Variants in LRCH3 observed in about 807,000 individuals in gnomAD.
LRCH3 encodes leucine rich repeats and calponin homology domain containing 3.
A neutral mutation model predicts 104.5 loss-of-function variants in LRCH3; 68 were observed. The ratio of observed to expected loss-of-function variants is 0.65; its 90% CI spans 0.54 to 0.80. The LOEUF (loss-of-function observed/expected upper bound fraction) is 0.80, where lower values mean the gene tolerates loss of function less well. Ranked by LOEUF, LRCH3 falls within the 30% of genes least tolerant of loss-of-function variation. LRCH3 has a pLI of 0.00. For missense variants in LRCH3, 951 were observed against 953.9 expected (o/e 1.00, Z 0.04); for synonymous variants, 344 against 361.3 (o/e 0.95, Z 0.54).
rs1255063333 is a variant in LRCH3, at chr3:197,829,654, C to G, written c.868C>G (p.Pro290Ala). 2 of 1,612,122 alleles carry G rather than the reference C, an allele frequency of 1.2e-6. No individual in the cohort carries two copies. Among genetic ancestry groups the G allele is most frequent in the Non-Finnish European group, 1.7e-6 (2 of 1,179,254 alleles). The change falls in exon 6 of 21, where the codon CCG becomes GCG. Residue 290 changes from proline (P) to alanine (A), a missense_variant. Transcript: ENST00000425562. ...APDLPDYDRRPLGFGSCHEEL... is the reference protein window; with the variant it reads ...APDLPDYDRRALGFGSCHEEL... ...AGATCTGCCGGATTATGATAGGAGA[C>G]CGTTGGGTTTTGGCTCCTGGTAAGT... is the stretch of plus-strand genomic sequence containing the variant.
rs1713948138 is a variant in LRCH3, at chr3:197,883,318, A to G, written c.2209-223A>G. ...CTACTTGTCAATTTTCCAATTTTGA[A>G]AATGATCTGTATGTACTTTTAGTTG... On this transcript the variant is annotated intron_variant, in intron 20 of 20. Transcript: ENST00000425562. The surrounding 1 kb of genome is among the most constrained non-coding windows in gnomAD (Gnocchi z 4.2). The G allele has an allele frequency of 1.5e-6, 2 of 1,316,076 alleles. No individual in the cohort carries two copies. The highest frequency in any genetic ancestry group is 3.0e-5 in the African/African-American group (2 of 66,578). The allele number at this position is 1,316,076 out of a possible 1,614,324, so 81.5% of individuals were successfully genotyped here. A position where few individuals can be genotyped will look rare whatever the true frequency, so the allele number is the denominator to read the frequency against.
chr3:197,888,131 A>C lies in LRCH3; in HGVS notation c.*4465A>C, dbSNP rs1211067620. The C allele has an allele frequency of 6.6e-6, 1 of 152,252 alleles. No individual in the cohort carries two copies. The highest frequency in any genetic ancestry group is 2.4e-5 in the African/African-American group (1 of 41,468). The allele number at this position is 152,252 out of a possible 1,614,324, so 9.4% of individuals were successfully genotyped here. A position where few individuals can be genotyped will look rare whatever the true frequency, so the allele number is the denominator to read the frequency against. On this transcript the variant is annotated 3_prime_UTR_variant, in exon 21 of 21. Coordinates refer to ENST00000425562, the MANE Select transcript of LRCH3 (RefSeq NM_001365715.1). ...GTGACTATGCGAATGAGTTTGATGA[A>C]TTCGTAAAAACTAAGCGCTTAAATG...
At position 197,884,697 on chromosome 3, in the gene LRCH3, A is replaced by T. The variant is rs1714064322; in HGVS notation, c.*1031A>T. On this transcript the variant is annotated 3_prime_UTR_variant, in exon 21 of 21. Coordinates refer to ENST00000425562, the MANE Select transcript of LRCH3 (RefSeq NM_001365715.1). ...CCCCCTGCATTTTTCACCCACATTT[A>T]AAATCAAAAGCTATATTATGAGGAG... The T allele has an allele frequency of 6.6e-6, 1 of 152,246 alleles. No individual in the cohort carries two copies. Among genetic ancestry groups the T allele is most frequent in the African/African-American group, 2.4e-5 (1 of 41,470 alleles). The allele number at this position is 152,246 out of a possible 1,614,324, so 9.4% of individuals were successfully genotyped here.
At chr3:197,873,823 C>T (rs768418305) in intron 19 of LRCH3, among the ~76,000 whole-genome samples, 2 of 152,030 alleles carry the variant, frequency 1.3e-5, no homozygotes, top group East Asian at 1.9e-4. Flanking sequence ...GAGTTCGAGA[C>T]CATCCTGGCC....
At chr3:197,852,672 A>G in intron 13 of LRCH3, 52 bp downstream of exon 13, 1 of 1,551,654 alleles carries the variant, frequency 6.4e-7, no homozygotes, top group African/African-American at 1.4e-5. Context: ...TTGCAATGGA[A>G]ATGAAATGTT....
chr3:197,848,785 G>A (rs1309621844), intron 12 of LRCH3, among the ~76,000 whole-genome samples: 2 of 152,152 alleles, frequency 1.3e-5, no homozygotes, highest in Non-Finnish European at 2.9e-5. Context: ...AGACTTTCCT[G>A]TATTTCATAC....
Position 197,814,998 on chromosome 3 carries a change from G to T in LRCH3, c.353G>T (p.Arg118Leu). Residue 118 changes from arginine to leucine, a missense_variant, in exon 2 of 21, where the codon CGT becomes CTT. By Grantham distance (102) the Arg-to-Leu change is moderately radical. Coordinates refer to ENST00000425562, the MANE Select transcript of LRCH3 (RefSeq NM_001365715.1). ...ENLNLYQNCI[R>L]YIPEAILNLQ... ...CTCAACTTGTACCAAAATTGTATTCGTTATATTCCAGAGGCAATTTTAAAC... is the reference window on the plus strand; with the variant it reads ...CTCAACTTGTACCAAAATTGTATTCTTTATATTCCAGAGGCAATTTTAAAC... The T allele has an allele frequency of 6.3e-7, 1 of 1,576,052 alleles. No individual in the cohort carries two copies. Among genetic ancestry groups the T allele is most frequent in the Admixed American group, 1.7e-5 (1 of 58,382 alleles).
At chr3:197,882,398 AAAT>A in intron 20 of LRCH3, 2 of 978,424 alleles carry the variant, frequency 2.0e-6, no homozygotes, top group Non-Finnish European at 2.4e-6. Flanking sequence ...CATTTTATCA[AAAT>A]AAGTATTAAA....
rs1229837566 is a variant in LRCH3 at position 197,818,108 on chromosome 3, A to G, written c.534+806A>G. ...AGTGCTGGGATTACAGGCGTGAGCC[A>G]CCGCGCACGGCCCTGTTGCCCTGTA... On this transcript the variant is annotated intron_variant, in intron 3 of 20. Coordinates refer to ENST00000425562, the MANE Select transcript of LRCH3 (RefSeq NM_001365715.1). Among the ~76,000 whole-genome samples the G allele has an allele frequency of 2.0e-5, 3 of 152,294 alleles. No homozygotes were observed. In the East Asian group the frequency reaches 5.8e-4, roughly 29 times the overall value.
Position 197,846,124 on chromosome 3 carries a change from G to A in LRCH3, c.1329-1285G>A, listed in dbSNP as rs117584307. Among the ~76,000 whole-genome samples, 131 of 151,704 alleles carry A rather than the reference G, an allele frequency of 8.6e-4. 1 individual carries two copies. Among genetic ancestry groups the A allele is most frequent in the African/African-American group, 2.8e-3 (114 of 41,334 alleles). On this transcript the variant is annotated intron_variant, in intron 10 of 20. Transcript: ENST00000425562. ...GTTACTCTAAATGTGTAATCAGGGC[G>A]TGGCGTGGTGGCCCACACCCGTAAT...
chr3:197,866,376 G>A (rs1429724616), intron 17 of LRCH3, among the ~76,000 whole-genome samples, 157 bp downstream of exon 17: 1 of 152,204 alleles, frequency 6.6e-6, no homozygotes, highest in Non-Finnish European at 1.5e-5. Flanking sequence ...ACTAAAGCAG[G>A]AAAATCTTAT....
chr3:197,840,977 C>G (rs142934249), intron 10 of LRCH3, among the ~76,000 whole-genome samples: 1 of 152,262 alleles, frequency 6.6e-6, no homozygotes, highest in East Asian at 1.9e-4. Flanking sequence ...AGCTCAAGAG[C>G]TCCAGGATTT....
intron 13 of LRCH3, 109 bp downstream of exon 13, chr3:197,852,729 C>T: frequency 9.1e-7 from 1 of 1,093,706 alleles, no homozygotes; most frequent in Non-Finnish European, 1.4e-6. Context: ...TGCCATTTTT[C>T]TTTTTCCACC....
chr3:197,795,571 A>G (rs1472981354), intron 1 of LRCH3, among the ~76,000 whole-genome samples: 1 of 151,784 alleles, frequency 6.6e-6, no homozygotes, highest in Non-Finnish European at 1.5e-5. Flanking sequence ...TTCTGATGGC[A>G]GTGTTTGTAC....
chr3:197,801,333 A>C (rs1267639218), intron 1 of LRCH3, among the ~76,000 whole-genome samples: 7 of 152,220 alleles, frequency 4.6e-5, no homozygotes, highest in Non-Finnish European at 1.0e-4. Context: ...TGATTAGGAA[A>C]GGGAGCTTTG....
chr3:197,847,574 C>A, intron 11 of LRCH3, 114 bp downstream of exon 11: 1 of 710,686 alleles, frequency 1.4e-6, no homozygotes, highest in South Asian at 2.3e-5. Flanking sequence ...TACTAGCTGT[C>A]TCAATCGATT....
At chr3:197,853,242 T>G (rs1192282626) in intron 13 of LRCH3, among the ~76,000 whole-genome samples, 1 of 152,010 alleles carries the variant, frequency 6.6e-6, no homozygotes, top group South Asian at 2.1e-4. Flanking sequence ...CAGGCTGGAG[T>G]GCAGTGGCGC....
At position 197,835,805 on chromosome 3, in the gene LRCH3, C is replaced by T. The variant is rs181162625; in HGVS notation, c.1234C>T (p.Arg412Trp). 29 of 1,614,022 alleles carry T rather than the reference C, an allele frequency of 1.8e-5. No individual in the cohort carries two copies. The highest frequency in any genetic ancestry group is 3.3e-4 in the Middle Eastern group (2 of 6,060). The change falls in exon 9 of 21, where the codon CGG becomes TGG. Residue 412 changes from arginine (R) to tryptophan (W), a missense_variant. Arg to Trp is a moderately radical substitution (Grantham distance 101). Transcript: ENST00000425562. ...ACAGTTTATGGCGTATATTGAACAG[C>T]GGCGAATCTCTCATGAGGTAGTACA... ...SSQFMAYIEQ[R>W]RISHEGSPVK...
rs1250391963 is a variant in LRCH3, at chr3:197,881,216, T to G, written c.2209-2325T>G. The stretch of plus-strand genomic sequence containing the variant: ...CACCCGGTTACTTAGATTTCTGCTT[T>G]GAACTGTGTCCTGAGATCCTGAATC... On this transcript the variant is annotated intron_variant, in intron 20 of 20. Coordinates refer to ENST00000425562, the MANE Select transcript of LRCH3 (RefSeq NM_001365715.1). The G allele has an allele frequency of 5.0e-6, 5 of 1,003,670 alleles. No individual in the cohort carries two copies. The African/African-American group carries it at 8.7e-5, about 17-fold the overall frequency. The allele number at this position is 1,003,670 out of a possible 1,614,324, so 62.2% of individuals were successfully genotyped here. A position where few individuals can be genotyped will look rare whatever the true frequency, so the allele number is the denominator to read the frequency against.
Sources: gnomAD v4.1 joint callset for allele counts (sites outside exome capture counted in the v4.1 genomes callset) on GRCh38, gnomAD v4.1.1 for gene constraint, Gnocchi (gnomAD v3.1) non-coding constraint, MANE v1.5 for transcripts, NCBI Gene and HGNC (gene_info 2026-07-23, HGNC 2026-07-21) for gene names.